CDH13: variants seen among roughly 807,000 people sequenced by gnomAD.
CDH13 encodes the protein cadherin-13.
Under a neutral mutation model 63.8 loss-of-function variants are expected in CDH13, and 24 were observed. The ratio of observed to expected loss-of-function variants is 0.38; its 90% CI spans 0.27 to 0.53. The LOEUF is 0.53. Among genes scored for constraint, CDH13 ranks in the 20% least tolerant of loss-of-function variants. The pLI, the probability that CDH13 is intolerant of heterozygous loss-of-function variation, is 0.85. For synonymous variants in CDH13, 503 were observed against 355.3 expected (o/e 1.42, Z -4.67); for missense variants, 1,049 against 903.1 (o/e 1.16, Z -2.07).
intron 3 of CDH13, among the ~76,000 whole-genome samples, chr16:83,057,289 C>G (rs1325028215): frequency 1.3e-5 from 2 of 152,024 alleles, no homozygotes; most frequent in African/African-American, 4.8e-5. Context: ...TATTAGCAAC[C>G]TGAGAACAGA....
At chr16:83,564,500 C>A (rs1453195668) in intron 7 of CDH13, among the ~76,000 whole-genome samples, 1 of 150,222 alleles carries the variant, frequency 6.7e-6, no homozygotes, top group African/African-American at 2.5e-5. Flanking sequence ...CCTCTGCCTC[C>A]CGGGTTCAAG....
chr16:83,098,047 A>G (rs758305148), intron 3 of CDH13, among the ~76,000 whole-genome samples: 2 of 152,190 alleles, frequency 1.3e-5, no homozygotes, highest in Non-Finnish European at 2.9e-5. Flanking sequence ...GCAAGTTAGG[A>G]TACTATTGGG....
intron 5 of CDH13, among the ~76,000 whole-genome samples, chr16:83,297,754 T>C (rs1177837132): frequency 6.6e-6 from 1 of 152,142 alleles, no homozygotes. Context: ...ATATATCCTA[T>C]GGATGAAGAA....
chr16:83,674,002 G>C (rs774847673), intron 9 of CDH13, among the ~76,000 whole-genome samples: 8 of 152,184 alleles, frequency 5.3e-5, no homozygotes, highest in Non-Finnish European at 1.0e-4. Context: ...TCCCAGGTCA[G>C]TAGGAAGGGC....
chr16:83,346,792 G>GT (rs368883453), intron 6 of CDH13, among the ~76,000 whole-genome samples: 2 of 152,080 alleles, frequency 1.3e-5, no homozygotes, highest in Non-Finnish European at 1.5e-5. Context: ...TTTTATGTAT[G>GT]TTTTTTGTGT....
At chr16:83,184,417 T>C (rs948718191) in intron 4 of CDH13, among the ~76,000 whole-genome samples, 1 of 152,120 alleles carries the variant, frequency 6.6e-6, no homozygotes, top group African/African-American at 2.4e-5. Flanking sequence ...ACCTCAGGAC[T>C]ACCAGAGAAG....
chr16:82,814,493 T>C (rs2037605505), intron 1 of CDH13, among the ~76,000 whole-genome samples: 2 of 152,236 alleles, frequency 1.3e-5, no homozygotes, highest in African/African-American at 4.8e-5. Flanking sequence ...GCCTCCATGA[T>C]AACCCCAAAG....
intron 4 of CDH13, among the ~76,000 whole-genome samples, chr16:83,150,836 C>A (rs187459902): frequency 6.6e-6 from 1 of 152,306 alleles, no homozygotes; most frequent in East Asian, 1.9e-4. Flanking sequence ...GGTGAACAAC[C>A]TGCATGACTG....
chr16:83,295,637 C>T (rs1021117992), intron 5 of CDH13, among the ~76,000 whole-genome samples: 2 of 141,740 alleles, frequency 1.4e-5, no homozygotes, highest in African/African-American at 2.5e-5. Flanking sequence ...TCACCTCATA[C>T]CTGTTAATAT....
intron 3 of CDH13, among the ~76,000 whole-genome samples, chr16:83,116,177 C>T (rs1314600103): frequency 6.6e-6 from 1 of 152,228 alleles, no homozygotes; most frequent in Admixed American, 6.5e-5. Flanking sequence ...CACTTCTTCG[C>T]TTTTGGGACA....
At chr16:83,571,748 T>C (rs1904642928) in intron 7 of CDH13, among the ~76,000 whole-genome samples, 1 of 152,226 alleles carries the variant, frequency 6.6e-6, no homozygotes, top group Admixed American at 6.5e-5. Flanking sequence ...CCCTCTCTTG[T>C]ATTCCCAAAC....
chr16:83,097,541 C>G (rs1279727303), intron 3 of CDH13, among the ~76,000 whole-genome samples: 1 of 152,132 alleles, frequency 6.6e-6, no homozygotes, highest in South Asian at 2.1e-4. Flanking sequence ...ACTGGTGCAG[C>G]CAATACCCCA....
intron 1 of CDH13, among the ~76,000 whole-genome samples, chr16:82,672,994 G>GTTTT (rs1194023626): frequency 1.1e-4 from 3 of 26,524 alleles, no homozygotes; most frequent in African/African-American, 5.1e-4. Context: ...TTTTTATAAA[G>GTTTT]TTTTCTTTTT....
chr16:83,649,499 T>C (rs984100843), intron 8 of CDH13, among the ~76,000 whole-genome samples: 8 of 152,108 alleles, frequency 5.3e-5, no homozygotes, highest in Non-Finnish European at 7.4e-5. Context: ...TGTTTTCTAA[T>C]TGGAGAGTCA....
intron 6 of CDH13, among the ~76,000 whole-genome samples, chr16:83,430,888 G>A (rs35731300): frequency 0.39 from 59,203 of 151,044 alleles, 12,098 homozygotes; most frequent in East Asian, 0.5. Flanking sequence ...ACATATGTAT[G>A]CATGTGCCAC....
chr16:83,663,624 C>G lies in CDH13; in HGVS notation c.1102-7166C>G, dbSNP rs557234539. ...ATTCAGCATTTTGGGGAAGCAGAGA[C>G]ATGACTCCGACTCTTCAGGAGCTCA... On this transcript the variant is annotated intron_variant, in intron 8 of 13. Transcript: ENST00000567109. 3.3e-5 allele frequency among the ~76,000 whole-genome samples: 5 copies of G among 152,270 alleles called. No individual in the cohort carries two copies. The East Asian group carries it at 9.7e-4, about 29-fold the overall frequency.
At chr16:83,606,826 C>G (rs139199515) in intron 8 of CDH13, among the ~76,000 whole-genome samples, 1 of 152,186 alleles carries the variant, frequency 6.6e-6, no homozygotes, top group Non-Finnish European at 1.5e-5. Context: ...GCTCCGCCGC[C>G]CTCACGGCTG....
intron 9 of CDH13, among the ~76,000 whole-genome samples, chr16:83,673,773 G>A (rs1914718877): frequency 6.6e-6 from 1 of 152,214 alleles, no homozygotes; most frequent in African/African-American, 2.4e-5. Context: ...AGAGAGAGGT[G>A]TGCCAGGTGG....
rs1408857060 is a variant in CDH13, at chr16:82,772,596, C to A, written c.46-85766C>A. On this transcript the variant is annotated intron_variant, in intron 1 of 13. Coordinates refer to ENST00000567109, the MANE Select transcript of CDH13 (RefSeq NM_001257.5). ...ACTGAGATTAAAATAGCTAACTAAG[C>A]TACTGAATACTTGCACTGCCAGGCA... is the stretch of plus-strand genomic sequence containing the variant. Among the ~76,000 whole-genome samples the A allele has an allele frequency of 2.0e-5, 3 of 152,186 alleles. 1 individual carries two copies. Among genetic ancestry groups the A allele is most frequent in the Non-Finnish European group, 4.4e-5 (3 of 68,030 alleles).
Sources: allele counts gnomAD v4.1 joint callset (sites outside exome capture counted in the v4.1 genomes callset), GRCh38; gene constraint gnomAD v4.1.1; transcripts MANE v1.5; gene names NCBI Gene and HGNC (gene_info 2026-07-23, HGNC 2026-07-21).